The following ANKRD31 variants were observed in gnomAD, a reference collection of about 807,000 sequenced individuals.
The protein encoded by ANKRD31 is ankyrin repeat domain 31.
In ANKRD31, 147 loss-of-function variants were observed where a neutral mutation model predicts 186.0. The observed-to-expected ratio is 0.79, with a 90% CI of 0.69 to 0.91. The LOEUF is 0.91. Ranked by LOEUF, ANKRD31 falls within the 40% of genes least tolerant of loss-of-function variation. ANKRD31 has a pLI of 0.00. For synonymous variants in ANKRD31, 673 were observed against 736.4 expected (o/e 0.91, Z 1.39); for missense variants, 1,986 against 2,148.8 (o/e 0.92, Z 1.50).
chr5:75,130,364 C>G (rs1749682779), intron 17 of ANKRD31, among the ~76,000 whole-genome samples: 1 of 152,184 alleles, frequency 6.6e-6, no homozygotes, highest in Non-Finnish European at 1.5e-5. Context: ...TGGAAAGGGA[C>G]CTCAGTGGGT....
intron 3 of ANKRD31, among the ~76,000 whole-genome samples, chr5:75,221,239 C>T (rs1757280914): frequency 6.6e-6 from 1 of 151,500 alleles, no homozygotes; most frequent in Non-Finnish European, 1.5e-5. Context: ...TGCTTAGTAC[C>T]CAGGTGATAA....
chr5:75,235,190 G>T (rs370454672), intron 1 of ANKRD31, among the ~76,000 whole-genome samples: 5 of 148,098 alleles, frequency 3.4e-5, no homozygotes, highest in Middle Eastern at 3.5e-3. Flanking sequence ...TTTATTTTAC[G>T]ATATAAACTT....
At chr5:75,112,458 G>T in intron 20 of ANKRD31, 55 bp downstream of exon 20, 1 of 1,204,950 alleles carries the variant, frequency 8.3e-7, no homozygotes, top group Non-Finnish European at 1.2e-6. Context: ...TGTACCTTAA[G>T]AAGATGACCT....
chr5:75,172,437 A>G (rs1580477742), intron 10 of ANKRD31, among the ~76,000 whole-genome samples: 1 of 152,054 alleles, frequency 6.6e-6, no homozygotes, highest in Admixed American at 6.6e-5. Context: ...AAAAAAATCA[A>G]TGAATCCAGG....
At chr5:75,132,267 T>G (rs953119434) in intron 17 of ANKRD31, among the ~76,000 whole-genome samples, 5 of 152,064 alleles carry the variant, frequency 3.3e-5, no homozygotes, top group African/African-American at 1.2e-4. Context: ...CTAAAAACCT[T>G]GAAAGAAGAT....
In ANKRD31 at chr5:75,154,040, A is replaced by G. The variant is rs151141859; in HGVS notation, c.1852+161T>C. 6.0e-4 allele frequency among the ~76,000 whole-genome samples: 91 copies of G among 152,276 alleles called. 1 individual carries two copies. Among genetic ancestry groups the G allele is most frequent in the African/African-American group, 2.1e-3 (87 of 41,566 alleles). ...TTTAGAGTCCTATGTGCATTTGCAA[A>G]CAAGTCAGTGTGATTTATTAACAGA... On this transcript the variant is annotated intron_variant, in intron 12 of 25. Coordinates refer to ENST00000506364, the MANE Select transcript of ANKRD31 (RefSeq NM_001372053.1).
intron 23 of ANKRD31, among the ~76,000 whole-genome samples, chr5:75,089,239 G>T (rs1745747244): frequency 6.6e-6 from 1 of 152,214 alleles, no homozygotes; most frequent in African/African-American, 2.4e-5. Flanking sequence ...CTGGGAGGCT[G>T]CAGGAGAGAA....
chr5:75,230,767 C>A, intron 1 of ANKRD31, 132 bp from the exon 2 acceptor site: 1 of 573,540 alleles, frequency 1.7e-6, no homozygotes, highest in Non-Finnish European at 3.0e-6. Flanking sequence ...GTTTCTATTT[C>A]AAAGTGTTAT....
rs869193548 is a variant in ANKRD31, at chr5:75,096,659, T to TA, written c.5332-5259dup. Among the ~76,000 whole-genome samples the TA allele has an allele frequency of 2.2e-4, 33 of 151,094 alleles. No homozygotes were observed. In the East Asian group the frequency reaches 3.1e-3, roughly 14 times the overall value. ...TATATTTAAGTCTTTAATCCACCTT[T>TA]AAAAAAATTTTTTTTTTATTATACT... On this transcript the variant is annotated intron_variant, in intron 22 of 25. Transcript: ENST00000506364.
intron 17 of ANKRD31, among the ~76,000 whole-genome samples, chr5:75,119,815 T>C: frequency 6.6e-6 from 1 of 152,254 alleles, no homozygotes; most frequent in East Asian, 1.9e-4. Flanking sequence ...TATCTCATTC[T>C]GGCTTTGATT....
intron 17 of ANKRD31, among the ~76,000 whole-genome samples, chr5:75,129,762 A>C (rs2150107124): frequency 6.6e-6 from 1 of 152,348 alleles, no homozygotes; most frequent in Non-Finnish European, 1.5e-5. Flanking sequence ...CGGAGGTACC[A>C]GGTTCATCTC....
intron 17 of ANKRD31, among the ~76,000 whole-genome samples, chr5:75,120,901 G>A (rs1748711867): frequency 6.6e-6 from 1 of 152,068 alleles, no homozygotes; most frequent in Non-Finnish European, 1.5e-5. Context: ...ATAGACAAAA[G>A]ATAAAGGGTG....
At chr5:75,100,679 G>A (rs1746774784) in intron 22 of ANKRD31, among the ~76,000 whole-genome samples, 5 of 152,028 alleles carry the variant, frequency 3.3e-5, no homozygotes, top group Admixed American at 3.3e-4. Flanking sequence ...ATTACGTAAT[G>A]GCCTTCTTTG....
intron 3 of ANKRD31, among the ~76,000 whole-genome samples, chr5:75,219,901 A>T (rs1757180141): frequency 6.6e-6 from 1 of 152,212 alleles, no homozygotes; most frequent in Non-Finnish European, 1.5e-5. Flanking sequence ...AGAACTCCTT[A>T]TTCAATAAAT....
intron 14 of ANKRD31, among the ~76,000 whole-genome samples, chr5:75,144,849 G>A (rs1159753086): frequency 6.6e-6 from 1 of 152,026 alleles, no homozygotes; most frequent in Non-Finnish European, 1.5e-5. Context: ...CTATCCATCT[G>A]ACAAAGGGCT....
intron 10 of ANKRD31, among the ~76,000 whole-genome samples, chr5:75,175,398 C>T (rs1396439907): frequency 2.0e-5 from 3 of 151,952 alleles, no homozygotes; most frequent in Non-Finnish European, 4.4e-5. Flanking sequence ...GAATAGACTC[C>T]TCAATCTGAT....
In ANKRD31 at chr5:75,124,596, C is replaced by T. The variant is rs535046864; in HGVS notation, c.3877-6299G>A. Among the ~76,000 whole-genome samples the T allele has an allele frequency of 4.6e-5, 7 of 152,120 alleles. 1 individual carries two copies. Among genetic ancestry groups the T allele is most frequent in the Admixed American group, 2.0e-4 (3 of 15,272 alleles). ...TAAATAACACACACACACGCACACA[C>T]GTGCATGCACACACACACAAAATGG... On this transcript the variant is annotated intron_variant, in intron 17 of 25. Coordinates refer to ENST00000506364, the MANE Select transcript of ANKRD31 (RefSeq NM_001372053.1).
At chr5:75,159,191 G>T (rs1336187356) in intron 11 of ANKRD31, among the ~76,000 whole-genome samples, 2 of 152,026 alleles carry the variant, frequency 1.3e-5, no homozygotes, top group Non-Finnish European at 2.9e-5. Flanking sequence ...CAGAAGAACA[G>T]ATTTTTAAAA....
intron 17 of ANKRD31, among the ~76,000 whole-genome samples, chr5:75,136,865 G>A (rs1750623565): frequency 6.6e-6 from 1 of 152,130 alleles, no homozygotes; most frequent in African/African-American, 2.4e-5. Flanking sequence ...TCCTTTGCAG[G>A]GACATGGATG....
Sources: allele counts gnomAD v4.1 joint callset (sites outside exome capture counted in the v4.1 genomes callset), GRCh38; gene constraint gnomAD v4.1.1; transcripts MANE v1.5; gene names NCBI Gene and HGNC (gene_info 2026-07-23, HGNC 2026-07-21).